FCMR: variants seen among roughly 807,000 people sequenced by gnomAD.
FCMR encodes the protein Fc mu receptor.
A neutral mutation model predicts 41.6 loss-of-function variants in FCMR; 34 were observed. The observed-to-expected ratio is 0.82, with a 90% CI of 0.62 to 1.09. FCMR has a LOEUF of 1.09. Among genes scored for constraint, FCMR ranks in the 50% least tolerant of loss-of-function variants. The pLI is 0.00. For missense variants in FCMR, 496 were observed against 512.5 expected (o/e 0.97, Z 0.31); for synonymous variants, 209 against 211.8 (o/e 0.99, Z 0.12).
Position 206,909,442 on chromosome 1 carries a change from AGGGCAGGAGCGGAGCTTACCTGCAGCG to A in FCMR, c.1037_1044+19del. 4 of 1,230,310 alleles carry A rather than the reference AGGGCAGGAGCGGAGCTTACCTGCAGCG, an allele frequency of 3.3e-6. No individual in the cohort carries two copies. Among genetic ancestry groups the A allele is most frequent in the Non-Finnish European group, 3.0e-6 (3 of 984,184 alleles). The allele number at this position is 1,230,310 out of a possible 1,614,324, so 76.2% of individuals were successfully genotyped here. A position where few individuals can be genotyped will look rare whatever the true frequency, so the allele number is the denominator to read the frequency against. ...CCCAGTCGGGCCGCGGCTGCCAATCAGGGCAGGAGCGGAGCTTACCTGCAGCGGGGCGGGGGGCAACGGCGCTCCGGG... is the reference window on the plus strand; with the variant it reads ...CCCAGTCGGGCCGCGGCTGCCAATCAGGGCGGGGGGCAACGGCGCTCCGGG... On this transcript the variant is annotated splice_donor_variant and splice_donor_5th_base_variant and coding_sequence_variant and intron_variant, in exon 7 of 8. Coordinates refer to ENST00000367091, the MANE Select transcript of FCMR (RefSeq NM_005449.5). LOFTEE classifies it high-confidence loss of function. The surrounding 1 kb of genome is among the most constrained non-coding windows in gnomAD (Gnocchi z 5.0).
rs934131917 is a variant in FCMR at position 206,921,709 on chromosome 1, A to T, written c.37+109T>A. ...TGTCCTGCCCTAGGTGTTGGTTCAC[A>T]ACTGAATCCATCCAGAAACATCAGA... On this transcript the variant is annotated intron_variant, in intron 1 of 7. Transcript: ENST00000367091. 1.2e-5 allele frequency: 13 copies of T among 1,089,986 alleles called. No individual in the cohort carries two copies. The African/African-American group carries it at 2.0e-4, about 17-fold the overall frequency. The allele number at this position is 1,089,986 out of a possible 1,614,324, so 67.5% of individuals were successfully genotyped here. A position where few individuals can be genotyped will look rare whatever the true frequency, so the allele number is the denominator to read the frequency against.
intron 1 of FCMR, among the ~76,000 whole-genome samples, chr1:206,920,923 G>A (rs1302659125): frequency 6.6e-6 from 1 of 152,208 alleles, no homozygotes; most frequent in African/African-American, 2.4e-5. Context: ...AGGATACATG[G>A]GAAGAGGTGG....
intron 7 of FCMR, chr1:206,908,066 A>C: frequency 8.7e-7 from 1 of 1,151,740 alleles, no homozygotes; most frequent in Admixed American, 1.9e-5. Context: ...TGGAAGTACC[A>C]GGCAGTGATA....
intron 7 of FCMR, chr1:206,908,183 C>T (rs1420412915): frequency 6.8e-7 from 1 of 1,460,582 alleles, no homozygotes; most frequent in Middle Eastern, 1.8e-4. Context: ...GAGAAGAAAA[C>T]TGACAAATAC....
rs2102550341 is a variant in FCMR, at chr1:206,909,581, A to G, written c.986-61T>C. On this transcript the variant is annotated intron_variant, in intron 6 of 7. Coordinates refer to ENST00000367091, the MANE Select transcript of FCMR (RefSeq NM_005449.5). The surrounding 1 kb of genome is among the most constrained non-coding windows in gnomAD (Gnocchi z 5.0). ...GAGGCTCCCGCCCCACCGTCATGCT[A>G]CTACTCCCAGCTCCACCCCCGCCCC... is the stretch of plus-strand genomic sequence containing the variant. The G allele has an allele frequency of 1.6e-6, 2 of 1,274,186 alleles. No individual in the cohort carries two copies. Among genetic ancestry groups the G allele is most frequent in the Middle Eastern group, 2.2e-4 (1 of 4,572 alleles). The allele number at this position is 1,274,186 out of a possible 1,614,324, so 78.9% of individuals were successfully genotyped here. A position where few individuals can be genotyped will look rare whatever the true frequency, so the allele number is the denominator to read the frequency against.
Position 206,913,820 on chromosome 1 carries a change from G to A in FCMR, c.312C>T (p.Cys104=), listed in dbSNP as rs1041324874. ...CCCGGTCTGTGTTCATGCCCGCTCC[G>A]CAGGCATAGACTCCGCTGTCACTTT... ...LTESDSGVYA[C]GAGMNTDRGK... Residue 104 remains cysteine, a synonymous_variant, in exon 2 of 8, where the codon TGC becomes TGT. Transcript: ENST00000367091. 1.7e-5 allele frequency: 28 copies of A among 1,614,072 alleles called. No individual in the cohort carries two copies. Among genetic ancestry groups the A allele is most frequent in the Admixed American group, 5.0e-5 (3 of 60,006 alleles).
In FCMR at chr1:206,914,463, ACT is replaced by A. The variant is rs1679105046; in HGVS notation, c.38-371_38-370del. Among the ~76,000 whole-genome samples, 6 of 103,388 alleles carry A rather than the reference ACT, an allele frequency of 5.8e-5. No homozygotes were observed. In the South Asian group the frequency reaches 8.9e-4, roughly 15 times the overall value. 67.8% of individuals were successfully genotyped at this position (103,388 alleles called of 152,430 possible). A position where few individuals can be genotyped will look rare whatever the true frequency, so the allele number is the denominator to read the frequency against. On this transcript the variant is annotated intron_variant, in intron 1 of 7. Transcript: ENST00000367091. Reference sequence around the variant, plus strand: ...TTTTTTTTTTTTTTAATAGGATCTCACTCTGTTACGCAGGCTGGAGAGCAGTG... The same window carrying A: ...TTTTTTTTTTTTTTAATAGGATCTCACTGTTACGCAGGCTGGAGAGCAGTG...
intron 1 of FCMR, among the ~76,000 whole-genome samples, chr1:206,917,979 C>G (rs1320854801): frequency 1.3e-5 from 2 of 152,110 alleles, no homozygotes; most frequent in Admixed American, 1.3e-4. Context: ...CAACACACCT[C>G]TTTATTCTCT....
chr1:206,920,055 A>T (rs79757718), intron 1 of FCMR, among the ~76,000 whole-genome samples: 1 of 152,352 alleles, frequency 6.6e-6, no homozygotes, highest in East Asian at 1.9e-4. Flanking sequence ...ATTAAGATGG[A>T]CACACATTGA....
At position 206,909,361 on chromosome 1, in the gene FCMR, CGCGGCGGCGGCG is replaced by C. The variant is rs553939447; in HGVS notation, c.1044+89_1044+100del. Reference sequence around the variant, plus strand: ...CTGCTGGGAAACCCGCTCTCCGGATCGCGGCGGCGGCGGCGCGGGAAGCCACACTCGGGTCCC... The same window carrying C: ...CTGCTGGGAAACCCGCTCTCCGGATCGCGCGGGAAGCCACACTCGGGTCCC... On this transcript the variant is annotated intron_variant, in intron 7 of 7. Coordinates refer to ENST00000367091, the MANE Select transcript of FCMR (RefSeq NM_005449.5). This position sits in a 1 kb window ranked among gnomAD's most constrained non-coding sequence, Gnocchi z 5.0. 2 of 596,000 alleles carry C rather than the reference CGCGGCGGCGGCG, an allele frequency of 3.4e-6. No homozygotes were observed. Among genetic ancestry groups the C allele is most frequent in the African/African-American group, 3.8e-5 (2 of 52,362 alleles). 36.9% of individuals were successfully genotyped at this position (596,000 alleles called of 1,614,324 possible).
At position 206,909,814 on chromosome 1, in the gene FCMR, G is replaced by A; in HGVS notation, c.896C>T (p.Ser299Phe). 7.0e-7 allele frequency: 1 copy of A among 1,421,826 alleles called. No individual in the cohort carries two copies. Among genetic ancestry groups the A allele is most frequent in the Middle Eastern group, 2.0e-4 (1 of 5,016 alleles). The allele number at this position is 1,421,826 out of a possible 1,614,324, so 88.1% of individuals were successfully genotyped here. Residue 299 changes from serine (S) to phenylalanine (F), a missense_variant, in exon 6 of 8, where the codon TCC (serine) becomes TTC (phenylalanine). Ser to Phe is a radical substitution (Grantham distance 155). Coordinates refer to ENST00000367091, the MANE Select transcript of FCMR (RefSeq NM_005449.5). This position sits in a 1 kb window ranked among gnomAD's most constrained non-coding sequence, Gnocchi z 5.0. ...TCGCGGCGACCCGCGGGGCCTCTGGGAGCTCTCCAGGGCGCGCATCCTCAC... is the reference window on the plus strand; with the variant it reads ...TCGCGGCGACCCGCGGGGCCTCTGGAAGCTCTCCAGGGCGCGCATCCTCAC... ...LAVRMRALES[S>F]QRPRGSPRPR...
intron 1 of FCMR, among the ~76,000 whole-genome samples, chr1:206,918,650 A>AGTGT (rs10652847): frequency 0.048 from 6,982 of 145,892 alleles, 239 homozygotes; most frequent in African/African-American, 0.089. Flanking sequence ...ATAAATTTTA[A>AGTGT]GTGTGTGTGT....
chr1:206,910,903 C>T (rs1231688041), intron 4 of FCMR, among the ~76,000 whole-genome samples: 7 of 150,628 alleles, frequency 4.6e-5, no homozygotes, highest in Middle Eastern at 3.4e-3. Flanking sequence ...TGTGTGTGTG[C>T]GCTTTGGGTT....
chr1:206,910,802 A>C (rs541928901), intron 4 of FCMR, among the ~76,000 whole-genome samples: 61 of 152,138 alleles, frequency 4.0e-4, no homozygotes, highest in African/African-American at 1.5e-3. Flanking sequence ...TTTTCCCCTC[A>C]ATTTTCTCTG....
intron 1 of FCMR, among the ~76,000 whole-genome samples, chr1:206,915,530 A>T (rs1679154779): frequency 6.6e-6 from 1 of 152,172 alleles, no homozygotes; most frequent in Non-Finnish European, 1.5e-5. Context: ...CATAAAGCTT[A>T]TGCTTTGAGT....
intron 4 of FCMR, 68 bp downstream of exon 4, chr1:206,911,662 A>G: frequency 1.4e-6 from 2 of 1,435,374 alleles, no homozygotes; most frequent in Non-Finnish European, 2.0e-6. Context: ...AATAATGGAC[A>G]TTGCAGTGGG....
chr1:206,912,175 A>C (rs1400073857), intron 3 of FCMR, among the ~76,000 whole-genome samples: 2 of 152,166 alleles, frequency 1.3e-5, no homozygotes, highest in Non-Finnish European at 2.9e-5. Context: ...GCCTTCCCTG[A>C]CTTCCCAGGT....
chr1:206,905,101 C>T lies in FCMR; in HGVS notation c.1091G>A (p.Cys364Tyr). 1 of 1,614,058 alleles carries T rather than the reference C, an allele frequency of 6.2e-7. No individual in the cohort carries two copies. The highest frequency in any genetic ancestry group is 8.5e-7 in the Non-Finnish European group (1 of 1,179,970). Residue 364 changes from cysteine (C) to tyrosine (Y), a missense_variant, in exon 8 of 8, where the codon TGT becomes TAT. Transcript: ENST00000367091. ...CTGGTGGTAGAGGCTCACGTATTCA[C>T]AGCTGGTCTTCAGAGATGGGGCATG... ...WLHAPSLKTS[C>Y]EYVSLYHQPA...
intron 1 of FCMR, among the ~76,000 whole-genome samples, chr1:206,917,628 CT>C (rs1261374733): frequency 3.9e-5 from 6 of 151,974 alleles, no homozygotes; most frequent in Middle Eastern, 3.2e-3. Context: ...CCCATATTTT[CT>C]TCTCCTTCTG....
Sources: gnomAD v4.1 joint callset for allele counts (sites outside exome capture counted in the v4.1 genomes callset) on GRCh38, gnomAD v4.1.1 for gene constraint, Gnocchi (gnomAD v3.1) non-coding constraint, MANE v1.5 for transcripts, NCBI Gene and HGNC (gene_info 2026-07-23, HGNC 2026-07-21) for gene names.